PAX3: variants seen among roughly 807,000 people sequenced by gnomAD.
The protein encoded by PAX3 is paired box protein Pax-3.
Under a neutral mutation model 51.6 loss-of-function variants are expected in PAX3, and 14 were observed. That is an observed-to-expected ratio of 0.27 (90% CI 0.18 to 0.42). The LOEUF is 0.42. Ranked by LOEUF, PAX3 falls within the 10% of genes least tolerant of loss-of-function variation. The pLI is 1.00. For synonymous variants in PAX3, 280 were observed against 253.4 expected (o/e 1.11, Z -1.00); for missense variants, 540 against 642.8 (o/e 0.84, Z 1.73).
At chr2:222,243,690 A>G (rs753660396) in intron 4 of PAX3, among the ~76,000 whole-genome samples, 3 of 152,222 alleles carry the variant, frequency 2.0e-5, no homozygotes, top group Non-Finnish European at 4.4e-5. Context: ...GACACTTCCC[A>G]TATGGCATTT....
rs372362657 is a variant in PAX3 at position 222,201,361 on chromosome 2, C to T, written c.*47G>A. 3.5e-5 allele frequency: 57 copies of T among 1,607,978 alleles called. No individual in the cohort carries two copies. Among genetic ancestry groups the T allele is most frequent in the Middle Eastern group, 1.6e-4 (1 of 6,066 alleles). ...GAGCAGATTCTTCATATCTAGGCTG[C>T]GAAGACCAGAAACAGGGCCAGTTTT... On this transcript the variant is annotated 3_prime_UTR_variant, in exon 9 of 9. Transcript: ENST00000392070.
chr2:222,292,783 C>T (rs1695091164), intron 4 of PAX3, among the ~76,000 whole-genome samples: 2 of 152,204 alleles, frequency 1.3e-5, no homozygotes, highest in Non-Finnish European at 2.9e-5. Context: ...TAGGCTGAGT[C>T]CATAGGAGGC....
At chr2:222,263,007 AAT>A (rs1338454198) in intron 4 of PAX3, 21 of 152,226 alleles carry the variant, frequency 1.4e-4, no homozygotes, top group African/African-American at 5.1e-4. Flanking sequence ...CATAGAACTA[AAT>A]GTAAAGTCTA....
intron 4 of PAX3, chr2:222,264,812 G>A (rs1693985704): frequency 6.6e-6 from 1 of 152,148 alleles, no homozygotes; most frequent in African/African-American, 2.4e-5. Flanking sequence ...TGAAGACTGA[G>A]GCATTCTGGT....
chr2:222,285,460 C>T (rs1574748274), intron 4 of PAX3, among the ~76,000 whole-genome samples: 1 of 151,984 alleles, frequency 6.6e-6, no homozygotes, highest in African/African-American at 2.4e-5. Context: ...GGGTAGGGGG[C>T]GAAGAGGGAT....
intron 4 of PAX3, among the ~76,000 whole-genome samples, chr2:222,234,605 A>G (rs1692730595): frequency 6.6e-6 from 1 of 152,188 alleles, no homozygotes; most frequent in African/African-American, 2.4e-5. Flanking sequence ...CATGGTTTCA[A>G]TTCAGTAGAT....
chr2:222,238,002 C>T (rs920988084), intron 4 of PAX3, among the ~76,000 whole-genome samples: 4 of 152,108 alleles, frequency 2.6e-5, no homozygotes, highest in African/African-American at 4.8e-5. Flanking sequence ...TAAGAAAGTT[C>T]GATCTCAAGC....
chr2:222,237,353 CA>C (rs1692839326), intron 4 of PAX3, among the ~76,000 whole-genome samples: 1 of 151,944 alleles, frequency 6.6e-6, no homozygotes, highest in Non-Finnish European at 1.5e-5. Context: ...CACACACACA[CA>C]CACACAGTTC....
Position 222,265,691 on chromosome 2 carries a change from G to GAAGGGAGAGAGA in PAX3, c.586+28475_586+28476insTCTCTCTCCCTT, listed in dbSNP as rs1553583540. On this transcript the variant is annotated intron_variant, in intron 4 of 8. Transcript: ENST00000392070. ...GGAAGGAAGGAAGGAAGGAAGGAAGGGAGAAAGATTGATTTTGATTTTTCC... is the reference window on the plus strand; with the variant it reads ...GGAAGGAAGGAAGGAAGGAAGGAAGGAAGGGAGAGAGAGAGAAAGATTGATTTTGATTTTTCC... 3.9e-4 allele frequency among the ~76,000 whole-genome samples: 56 copies of GAAGGGAGAGAGA among 141,844 alleles called. 1 individual carries two copies. Among genetic ancestry groups the GAAGGGAGAGAGA allele is most frequent in the Middle Eastern group, 7.1e-3 (2 of 280 alleles). The allele number at this position is 141,844 out of a possible 152,430, so 93.1% of individuals were successfully genotyped here. A position where few individuals can be genotyped will look rare whatever the true frequency, so the allele number is the denominator to read the frequency against.
chr2:222,257,786 C>G (rs960837014), intron 4 of PAX3, among the ~76,000 whole-genome samples: 8 of 152,236 alleles, frequency 5.3e-5, no homozygotes, highest in African/African-American at 1.7e-4. Flanking sequence ...CAAGGCAGCG[C>G]ATGGCTGGGC....
intron 4 of PAX3, among the ~76,000 whole-genome samples, chr2:222,274,995 C>G (rs1694369028): frequency 6.6e-6 from 1 of 152,148 alleles, no homozygotes; most frequent in South Asian, 2.1e-4. Context: ...TGGAATTACT[C>G]AACAAAAATC....
intron 4 of PAX3, among the ~76,000 whole-genome samples, chr2:222,235,391 G>C (rs1692762766): frequency 6.6e-6 from 1 of 152,120 alleles, no homozygotes; most frequent in Non-Finnish European, 1.5e-5. Flanking sequence ...TGATTTATTT[G>C]CCACTGTTTT....
chr2:222,207,435 C>CAA (rs893903017), intron 7 of PAX3, among the ~76,000 whole-genome samples: 2 of 152,120 alleles, frequency 1.3e-5, no homozygotes, highest in African/African-American at 4.8e-5. Flanking sequence ...AGGGAAAGGC[C>CAA]AAGACTGACC....
intron 4 of PAX3, among the ~76,000 whole-genome samples, chr2:222,260,583 T>G (rs1559292859): frequency 9.9e-4 from 53 of 53,626 alleles, no homozygotes; most frequent in South Asian, 1.5e-3. Flanking sequence ...TTTTTGTTTT[T>G]TTTTTTTGTT....
chr2:222,280,881 G>C (rs1694624050), intron 4 of PAX3, among the ~76,000 whole-genome samples: 1 of 152,216 alleles, frequency 6.6e-6, no homozygotes. Context: ...GCTCTTTGTA[G>C]TTTCTGACAT....
intron 4 of PAX3, among the ~76,000 whole-genome samples, chr2:222,290,953 G>A (rs1171225296): frequency 2.6e-5 from 4 of 151,934 alleles, no homozygotes; most frequent in African/African-American, 7.2e-5. Flanking sequence ...GAAGAAGGGG[G>A]GAGGCGGGCT....
intron 4 of PAX3, among the ~76,000 whole-genome samples, chr2:222,260,591 GTTTTTTTTTTTTT>G (rs374339768): frequency 0.036 from 2,258 of 63,126 alleles, 31 homozygotes; most frequent in Middle Eastern, 0.056. Context: ...TTTTTTTTTT[GTTTTTTTTTTTTT>G]TTTTTGAGGC....
At chr2:222,240,924 G>A (rs1050703038) in intron 4 of PAX3, among the ~76,000 whole-genome samples, 4 of 152,120 alleles carry the variant, frequency 2.6e-5, no homozygotes, top group African/African-American at 9.7e-5. Flanking sequence ...GAGAAAAAGA[G>A]AGGAAAGTAC....
At chr2:222,260,805 G>T (rs1182856201) in intron 4 of PAX3, among the ~76,000 whole-genome samples, 14 of 151,782 alleles carry the variant, frequency 9.2e-5, no homozygotes, top group Admixed American at 8.5e-4. Flanking sequence ...TGGACAGGCT[G>T]GTCTGGAACT....
Sources: allele counts gnomAD v4.1 joint callset (sites outside exome capture counted in the v4.1 genomes callset), GRCh38; gene constraint gnomAD v4.1.1; transcripts MANE v1.5; gene names NCBI Gene and HGNC (gene_info 2026-07-23, HGNC 2026-07-21).